Variants in DCLK1 observed in about 807,000 individuals in gnomAD.
The protein encoded by DCLK1 is doublecortin like kinase 1.
Under a neutral mutation model 86.2 loss-of-function variants are expected in DCLK1, and 16 were observed. That is an observed-to-expected ratio of 0.19 (90% CI 0.13 to 0.28). The LOEUF is 0.28. Ranked by LOEUF, DCLK1 falls within the 10% of genes least tolerant of loss-of-function variation. The pLI is 1.00. For synonymous variants in DCLK1, 369 were observed against 370.5 expected (o/e 1.00, Z 0.05); for missense variants, 590 against 940.2 (o/e 0.63, Z 4.87).
intron 2 of DCLK1, among the ~76,000 whole-genome samples, chr13:36,114,486 C>A (rs1458531687): frequency 6.6e-6 from 1 of 152,192 alleles, no homozygotes; most frequent in Non-Finnish European, 1.5e-5. Context: ...GCCACCAAAT[C>A]CAAGATCACA....
chr13:36,127,449 G>A (rs1886226195), intron 1 of DCLK1, among the ~76,000 whole-genome samples: 1 of 152,126 alleles, frequency 6.6e-6, no homozygotes, highest in Admixed American at 6.5e-5. Flanking sequence ...TTGACCCCAT[G>A]CTAGCTGTGT....
intron 8 of DCLK1, among the ~76,000 whole-genome samples, chr13:35,834,594 C>T (rs1869215966): frequency 6.6e-6 from 1 of 152,196 alleles, no homozygotes; most frequent in Non-Finnish European, 1.5e-5. Flanking sequence ...ATAGTTTATG[C>T]TCAGCAAAAT....
intron 3 of DCLK1, among the ~76,000 whole-genome samples, chr13:36,043,459 G>T (rs1223739528): frequency 6.6e-6 from 1 of 151,850 alleles, no homozygotes; most frequent in Non-Finnish European, 1.5e-5. Flanking sequence ...TTTCAAAGAA[G>T]AGAAAACAAA....
At chr13:35,819,602 A>G (rs1339419308) in intron 11 of DCLK1, among the ~76,000 whole-genome samples, 1 of 152,200 alleles carries the variant, frequency 6.6e-6, no homozygotes, top group Non-Finnish European at 1.5e-5. Context: ...GTAGTAAAAC[A>G]AAGTATGCTG....
At chr13:36,006,030 G>A (rs866144322) in intron 3 of DCLK1, among the ~76,000 whole-genome samples, 12 of 152,276 alleles carry the variant, frequency 7.9e-5, no homozygotes, top group South Asian at 2.1e-4. Context: ...TCGGGGGAAA[G>A]AGGATGGAGA....
intron 3 of DCLK1, among the ~76,000 whole-genome samples, chr13:36,002,848 C>T (rs879941351): frequency 2.0e-5 from 3 of 152,170 alleles, no homozygotes; most frequent in East Asian, 1.9e-4. Flanking sequence ...TCCGAAGGAG[C>T]GACAGTTCTT....
chr13:35,926,449 G>A (rs1490809085), intron 4 of DCLK1, among the ~76,000 whole-genome samples: 2 of 152,170 alleles, frequency 1.3e-5, no homozygotes, highest in Non-Finnish European at 2.9e-5. Flanking sequence ...TTCTGCTTTG[G>A]ATTGTCAAGC....
At chr13:35,991,667 A>G (rs891938328) in intron 3 of DCLK1, among the ~76,000 whole-genome samples, 2 of 152,100 alleles carry the variant, frequency 1.3e-5, no homozygotes, top group Admixed American at 6.6e-5. Flanking sequence ...ATCTCAAACA[A>G]ACAACAACAA....
At chr13:35,874,257 AT>A (rs79179978) in intron 4 of DCLK1, among the ~76,000 whole-genome samples, 35,567 of 151,910 alleles carry the variant, frequency 0.23, 4,312 homozygotes, top group Admixed American at 0.29. Flanking sequence ...ATCGTTTCCT[AT>A]TTTTTTCTAA....
At chr13:35,912,430 A>ATCTT (rs1245827401) in intron 4 of DCLK1, among the ~76,000 whole-genome samples, 1 of 152,120 alleles carries the variant, frequency 6.6e-6, no homozygotes, top group Non-Finnish European at 1.5e-5. Context: ...TCCTGTGCCT[A>ATCTT]TAAAGACCCC....
intron 4 of DCLK1, among the ~76,000 whole-genome samples, chr13:35,889,066 G>A (rs978289365): frequency 6.6e-6 from 1 of 152,108 alleles, no homozygotes; most frequent in African/African-American, 2.4e-5. Context: ...TTAGAAAACA[G>A]ATAATCTTGT....
chr13:35,842,472 A>T (rs779904961), intron 6 of DCLK1, among the ~76,000 whole-genome samples: 1 of 151,694 alleles, frequency 6.6e-6, no homozygotes, highest in Non-Finnish European at 1.5e-5. Flanking sequence ...CAAATTCAAG[A>T]CCACCCTGGG....
At chr13:35,922,187 G>A (rs1875840517) in intron 4 of DCLK1, among the ~76,000 whole-genome samples, 2 of 152,088 alleles carry the variant, frequency 1.3e-5, no homozygotes, top group African/African-American at 4.8e-5. Flanking sequence ...ATGAGAAAGT[G>A]ACTGAAAAAA....
Position 35,773,410 on chromosome 13 carries a change from T to G in DCLK1, c.*1125A>C. 1 of 152,194 alleles carries G rather than the reference T, an allele frequency of 6.6e-6. No individual in the cohort carries two copies. The highest frequency in any genetic ancestry group is 1.9e-4 in the East Asian group (1 of 5,174). 9.4% of individuals were successfully genotyped at this position (152,194 alleles called of 1,614,324 possible). A position where few individuals can be genotyped will look rare whatever the true frequency, so the allele number is the denominator to read the frequency against. ...CCTAAAGGTGCACATGGAATTGTCT[T>G]GCCAGTGGTTTATTCACTGAAAACT... is the stretch of plus-strand genomic sequence containing the variant. On this transcript the variant is annotated 3_prime_UTR_variant, in exon 17 of 17. Transcript: ENST00000360631.
intron 3 of DCLK1, among the ~76,000 whole-genome samples, chr13:36,013,323 GT>G (rs1881369780): frequency 6.6e-6 from 1 of 150,812 alleles, no homozygotes; most frequent in African/African-American, 2.4e-5. Flanking sequence ...AGAGTTTCCA[GT>G]TTTTCTGTTC....
intron 3 of DCLK1, among the ~76,000 whole-genome samples, chr13:36,050,480 G>C (rs1402768356): frequency 6.6e-6 from 1 of 152,044 alleles, no homozygotes; most frequent in African/African-American, 2.4e-5. Context: ...AGGGAGAATT[G>C]AGTGCCAACC....
intron 3 of DCLK1, among the ~76,000 whole-genome samples, chr13:36,067,519 T>C (rs1158311176): frequency 6.6e-6 from 1 of 150,646 alleles, no homozygotes; most frequent in Non-Finnish European, 1.5e-5. Context: ...GTAACTAACC[T>C]GCACATTGTG....
intron 3 of DCLK1, among the ~76,000 whole-genome samples, chr13:35,969,218 C>T (rs1365734840): frequency 6.6e-6 from 1 of 152,142 alleles, no homozygotes; most frequent in Non-Finnish European, 1.5e-5. Flanking sequence ...GTGGCTGCCA[C>T]AAAGATACAT....
chr13:35,981,319 A>G (rs1879627162), intron 3 of DCLK1, among the ~76,000 whole-genome samples: 1 of 152,128 alleles, frequency 6.6e-6, no homozygotes, highest in Admixed American at 6.5e-5. Context: ...TTGCTTTTAA[A>G]AAATATATAC....
Sources: gnomAD v4.1 joint callset for allele counts (sites outside exome capture counted in the v4.1 genomes callset) on GRCh38, gnomAD v4.1.1 for gene constraint, MANE v1.5 for transcripts, NCBI Gene and HGNC (gene_info 2026-07-23, HGNC 2026-07-21) for gene names.